Variants in HELLS observed in about 807,000 individuals in gnomAD.
HELLS encodes the protein lymphoid-specific helicase.
HELLS carries 32 observed loss-of-function variants against 120.0 expected under a neutral mutation model. That is an observed-to-expected ratio of 0.27 (90% CI 0.20 to 0.36). HELLS has a LOEUF of 0.36. Ranked by LOEUF, HELLS falls within the 10% of genes least tolerant of loss-of-function variation. The probability of loss-of-function intolerance (pLI) is 1.00; values close to 1 mark genes in which losing one functional copy is unlikely to be tolerated. For synonymous variants in HELLS, 341 were observed against 323.4 expected (o/e 1.05, Z -0.58); for missense variants, 650 against 993.4 (o/e 0.65, Z 4.65).
Position 94,593,718 on chromosome 10 carries a change from A to G in HELLS, c.2088+103A>G, listed in dbSNP as rs1273538961. On this transcript the variant is annotated intron_variant, in intron 18 of 21. Coordinates refer to ENST00000348459, the MANE Select transcript of HELLS (RefSeq NM_018063.5). ...CACTCTGTTGCCCAGGCTGGAGTGCAGTGGCACGATCTCGGCTCACTGCAA... is the reference window on the plus strand; with the variant it reads ...CACTCTGTTGCCCAGGCTGGAGTGCGGTGGCACGATCTCGGCTCACTGCAA... 8 of 695,844 alleles carry G rather than the reference A, an allele frequency of 1.1e-5. No homozygotes were observed. In the Admixed American group the frequency reaches 1.5e-4, roughly 13 times the overall value. 43.1% of individuals were successfully genotyped at this position (695,844 alleles called of 1,614,324 possible). A position where few individuals can be genotyped will look rare whatever the true frequency, so the allele number is the denominator to read the frequency against.
chr10:94,561,625 T>C (rs984750401), intron 4 of HELLS, among the ~76,000 whole-genome samples: 1 of 151,950 alleles, frequency 6.6e-6, no homozygotes, highest in Non-Finnish European at 1.5e-5. Context: ...ACCACCATGC[T>C]CAGCTAATTT....
chr10:94,578,254 C>T (rs952247995), intron 10 of HELLS, among the ~76,000 whole-genome samples: 1 of 149,492 alleles, frequency 6.7e-6, no homozygotes, highest in African/African-American at 2.5e-5. Context: ...AAATTTAAAC[C>T]AGTAGTCCCC....
chr10:94,547,874 G>T (rs557810504), intron 2 of HELLS, among the ~76,000 whole-genome samples: 3 of 152,028 alleles, frequency 2.0e-5, no homozygotes, highest in South Asian at 4.1e-4. Flanking sequence ...TACTCCTTCC[G>T]TTATTACTGA....
intron 11 of HELLS, among the ~76,000 whole-genome samples, chr10:94,582,460 A>C (rs1844919319): frequency 6.6e-6 from 1 of 152,142 alleles, no homozygotes; most frequent in African/African-American, 2.4e-5. Flanking sequence ...CTATATTATT[A>C]ATCTGCATGC....
intron 12 of HELLS, among the ~76,000 whole-genome samples, chr10:94,586,094 A>T (rs1405649171): frequency 2.0e-5 from 3 of 151,886 alleles, no homozygotes; most frequent in African/African-American, 4.8e-5. Context: ...CCTTACAGAC[A>T]TGGACATGTT....
At chr10:94,552,799 C>T (rs1001463040) in intron 2 of HELLS, among the ~76,000 whole-genome samples, 1 of 135,510 alleles carries the variant, frequency 7.4e-6, no homozygotes, top group Non-Finnish European at 1.6e-5. Context: ...TGGTGAAACC[C>T]TGTCTTTACA....
chr10:94,554,109 A>C lies in HELLS; in HGVS notation c.154-17A>C. 1 of 1,551,760 alleles carries C rather than the reference A, an allele frequency of 6.4e-7. No individual in the cohort carries two copies. Among genetic ancestry groups the C allele is most frequent in the Non-Finnish European group, 8.6e-7 (1 of 1,159,784 alleles). ...TCAGAAAGTGTTCATAATTATGGAA[A>C]TTTTCTCTTTGGATAGGCTCGCATG... On this transcript the variant is annotated splice_polypyrimidine_tract_variant and intron_variant, in intron 2 of 21. Coordinates refer to ENST00000348459, the MANE Select transcript of HELLS (RefSeq NM_018063.5).
At chr10:94,552,304 C>A (rs768473361) in intron 2 of HELLS, among the ~76,000 whole-genome samples, 1 of 152,132 alleles carries the variant, frequency 6.6e-6, no homozygotes, top group Non-Finnish European at 1.5e-5. Flanking sequence ...CTTTTTAATT[C>A]TAAAGTTAAC....
intron 7 of HELLS, among the ~76,000 whole-genome samples, 184 bp downstream of exon 7, chr10:94,571,613 T>C (rs542922270): frequency 2.0e-5 from 3 of 152,324 alleles, no homozygotes; most frequent in East Asian, 1.9e-4. Context: ...GTATCAACTT[T>C]AGTTAGTTGT....
intron 12 of HELLS, chr10:94,584,054 TC>T: frequency 7.8e-7 from 1 of 1,279,084 alleles, no homozygotes; most frequent in African/African-American, 1.5e-5. Context: ...CAAATTGCCC[TC>T]CAGAAAAGAT....
At chr10:94,585,423 C>CA (rs1319877998) in intron 12 of HELLS, among the ~76,000 whole-genome samples, 1 of 123,406 alleles carries the variant, frequency 8.1e-6, no homozygotes, top group African/African-American at 3.1e-5. Flanking sequence ...TTTTTTGAGA[C>CA]AGAGTCTCAC....
In HELLS at chr10:94,546,391, G is replaced by C. The variant is rs773580902; in HGVS notation, c.46G>C (p.Ala16Pro). 4.3e-5 allele frequency: 69 copies of C among 1,614,066 alleles called. No individual in the cohort carries two copies. Among genetic ancestry groups the C allele is most frequent in the Non-Finnish European group, 5.7e-5 (67 of 1,180,054 alleles). ...TCCCCCGTCAGGCTCGGAGGCTCCA[G>C]CAATGGTTGAACAACTGGACACTGC... ...PAGSGGSEAP[A>P]MVEQLDTAVI... Residue 16 changes from alanine (A) to proline (P), a missense_variant, in exon 2 of 22, where the codon GCA (alanine) becomes CCA (proline). Ala to Pro is a conservative substitution (Grantham distance 27). Coordinates refer to ENST00000348459, the MANE Select transcript of HELLS (RefSeq NM_018063.5).
At position 94,584,328 on chromosome 10, in the gene HELLS, T is replaced by G. The variant is rs115491363; in HGVS notation, c.1326+1269T>G. ...TTTCCCCTCACTTTTTGGGATAAAC[T>G]TTGTTTATGGTATCTTTGTGTGTGT... On this transcript the variant is annotated intron_variant, in intron 12 of 21. Coordinates refer to ENST00000348459, the MANE Select transcript of HELLS (RefSeq NM_018063.5). 4.5e-3 allele frequency among the ~76,000 whole-genome samples: 679 copies of G among 152,202 alleles called. 5 individuals are homozygous for G. The highest frequency in any genetic ancestry group is 0.015 in the African/African-American group (631 of 41,562).
chr10:94,575,732 T>G (rs1466300386), intron 9 of HELLS, among the ~76,000 whole-genome samples: 2 of 143,582 alleles, frequency 1.4e-5, no homozygotes, highest in African/African-American at 5.1e-5. Flanking sequence ...ATATGTGTTT[T>G]ATGTATTTGT....
intron 12 of HELLS, among the ~76,000 whole-genome samples, chr10:94,586,798 TCTC>T (rs1356116381): frequency 4.6e-5 from 7 of 152,002 alleles, no homozygotes; most frequent in Non-Finnish European, 8.8e-5. Context: ...TTCAAGCCAT[TCTC>T]CTGCCTCAGC....
At chr10:94,585,785 T>A (rs1286533524) in intron 12 of HELLS, among the ~76,000 whole-genome samples, 2 of 151,766 alleles carry the variant, frequency 1.3e-5, no homozygotes, top group East Asian at 3.9e-4. Context: ...ATCTGCAGCC[T>A]CCAACTCATA....
At chr10:94,548,317 C>T (rs1842835651) in intron 2 of HELLS, among the ~76,000 whole-genome samples, 2 of 152,192 alleles carry the variant, frequency 1.3e-5, no homozygotes, top group Middle Eastern at 3.4e-3. Context: ...GGGGCAAGTG[C>T]CCAGAATGGA....
chr10:94,572,278 T>TC (rs1564593812), intron 7 of HELLS, among the ~76,000 whole-genome samples: 9 of 151,988 alleles, frequency 5.9e-5, no homozygotes, highest in Non-Finnish European at 7.4e-5. Flanking sequence ...TTACAGTCAG[T>TC]AAGAAATAGT....
At chr10:94,563,421 C>T (rs1310499644) in intron 6 of HELLS, among the ~76,000 whole-genome samples, 2 of 152,046 alleles carry the variant, frequency 1.3e-5, no homozygotes, top group African/African-American at 4.8e-5. Flanking sequence ...TAGGCTTACA[C>T]CTTTAGGTTG....
Sources: gnomAD v4.1 joint callset for allele counts (sites outside exome capture counted in the v4.1 genomes callset) on GRCh38, gnomAD v4.1.1 for gene constraint, MANE v1.5 for transcripts, NCBI Gene and HGNC (gene_info 2026-07-23, HGNC 2026-07-21) for gene names.